The following CCR3 variants were observed in gnomAD, a reference collection of about 807,000 sequenced individuals.
CCR3 encodes C-C chemokine receptor type 3.
For synonymous variants in CCR3, 203 were observed against 179.2 expected (o/e 1.13, Z -1.06); for missense variants, 419 against 437.5 (o/e 0.96, Z 0.38).
chr3:46,243,252 T>G (rs1700128065), intron 1 of CCR3, among the ~76,000 whole-genome samples: 1 of 152,048 alleles, frequency 6.6e-6, no homozygotes, highest in South Asian at 2.1e-4. Context: ...TAGCACTTGC[T>G]GCGTGGCAAA....
At chr3:46,236,500 T>C (rs1210920947) in intron 2 of CCR3, among the ~76,000 whole-genome samples, 1 of 152,178 alleles carries the variant, frequency 6.6e-6, no homozygotes, top group Non-Finnish European at 1.5e-5. Context: ...CCATGTAACC[T>C]CTCCACCCTG....
chr3:46,222,497 A>C (rs1038346248), intron 2 of CCR3, among the ~76,000 whole-genome samples: 2 of 152,168 alleles, frequency 1.3e-5, no homozygotes, highest in African/African-American at 4.8e-5. Flanking sequence ...AGAACTCAGG[A>C]GAAAAACCTC....
At chr3:46,241,920 G>T (rs1404183811), upstream of CCR3, among the ~76,000 whole-genome samples, 1 of 152,060 alleles carries the variant, frequency 6.6e-6, no homozygotes, top group Non-Finnish European at 1.5e-5. Context: ...ATCACTTGAG[G>T]TCAGAAGTTT....
At chr3:46,212,418 G>A (rs1400480915) in intron 2 of CCR3, among the ~76,000 whole-genome samples, 2 of 152,150 alleles carry the variant, frequency 1.3e-5, no homozygotes, top group African/African-American at 4.8e-5. Flanking sequence ...GGAGATGTAA[G>A]AGGGTCTTAG....
chr3:46,255,197 T>C (rs1364317114), intron 1 of CCR3, among the ~76,000 whole-genome samples: 3 of 152,216 alleles, frequency 2.0e-5, no homozygotes, highest in African/African-American at 7.2e-5. Context: ...TATCTTCTTT[T>C]GAGAATTGTC....
intron 2 of CCR3, among the ~76,000 whole-genome samples, chr3:46,224,720 G>A (rs2131092): frequency 0.07 from 8,534 of 121,344 alleles, 417 homozygotes; most frequent in South Asian, 0.27. Flanking sequence ...CTGGGCAACA[G>A]AGCAAGACTC....
rs1700639066 is a variant in CCR3, at chr3:46,266,551, A to G, written c.*325A>G. 1 of 239,562 alleles carries G rather than the reference A, an allele frequency of 4.2e-6. No homozygotes were observed. Among genetic ancestry groups the G allele is most frequent in the Non-Finnish European group, 8.6e-6 (1 of 116,602 alleles). 14.8% of individuals were successfully genotyped at this position (239,562 alleles called of 1,614,324 possible). ...CCGCTACAAAAAGGTAAAACTTTTT[A>G]TATTTTATACATTAACTTCAGCCAG... On this transcript the variant is annotated 3_prime_UTR_variant, in exon 2 of 2. Transcript: ENST00000395940.
intron 1 of CCR3, among the ~76,000 whole-genome samples, chr3:46,244,983 A>G (rs1700163620): frequency 6.6e-6 from 1 of 152,190 alleles, no homozygotes; most frequent in Admixed American, 6.5e-5. Context: ...CCTTGTGAAA[A>G]CATATTCTTC....
chr3:46,257,590 C>A (rs1700453222), intron 1 of CCR3, among the ~76,000 whole-genome samples: 1 of 151,984 alleles, frequency 6.6e-6, no homozygotes, highest in Non-Finnish European at 1.5e-5. Context: ...GAGTCCTTAA[C>A]ATGTATTAGT....
intron 2 of CCR3, among the ~76,000 whole-genome samples, chr3:46,236,547 A>G (rs922483322): frequency 1.3e-5 from 2 of 152,224 alleles, no homozygotes; most frequent in Non-Finnish European, 2.9e-5. Context: ...TGTCACCTCT[A>G]TAATAAACAA....
At chr3:46,238,545 G>T (rs750587065), upstream of CCR3, among the ~76,000 whole-genome samples, 2 of 152,162 alleles carry the variant, frequency 1.3e-5, no homozygotes, top group Non-Finnish European at 2.9e-5. Context: ...AGGGTATGGA[G>T]TTTATATGAG....
rs371818046 is a variant in CCR3, at chr3:46,247,407, C to T, written c.-12+4869C>T. Reference sequence around the variant, plus strand: ...AAATGGGCTGTACCTTATAGCATTCCGAGGACAGGTCTGACTTCTGAGAAG... The same window carrying T: ...AAATGGGCTGTACCTTATAGCATTCTGAGGACAGGTCTGACTTCTGAGAAG... On this transcript the variant is annotated intron_variant, in intron 1 of 1. Transcript: ENST00000395940. Among the ~76,000 whole-genome samples, 421 of 152,232 alleles carry T rather than the reference C, an allele frequency of 2.8e-3. 25 individuals are homozygous for T. In the South Asian group the frequency reaches 0.084, roughly 30 times the overall value.
At chr3:46,243,502 G>T (rs940529230) in intron 1 of CCR3, among the ~76,000 whole-genome samples, 29 of 151,752 alleles carry the variant, frequency 1.9e-4, no homozygotes, top group Admixed American at 1.1e-3. Flanking sequence ...TTTTTTTCTG[G>T]GTGAATGAGA....
chr3:46,241,491 T>A (rs1217639698), upstream of CCR3, among the ~76,000 whole-genome samples: 1 of 152,240 alleles, frequency 6.6e-6, no homozygotes, highest in Non-Finnish European at 1.5e-5. Flanking sequence ...CTCTGCCCTA[T>A]GACGCTTATG....
At chr3:46,255,889 T>C (rs955169077) in intron 1 of CCR3, among the ~76,000 whole-genome samples, 1 of 152,032 alleles carries the variant, frequency 6.6e-6, no homozygotes, top group Non-Finnish European at 1.5e-5. Context: ...GTGGGCTCTT[T>C]TTTGGTTCCA....
chr3:46,259,267 C>A (rs895561322), intron 1 of CCR3, among the ~76,000 whole-genome samples: 2 of 152,018 alleles, frequency 1.3e-5, no homozygotes, highest in Non-Finnish European at 2.9e-5. Flanking sequence ...CATTTTGTAC[C>A]ATAAGGTATT....
At chr3:46,250,822 C>T (rs1455238392) in intron 1 of CCR3, among the ~76,000 whole-genome samples, 1 of 151,390 alleles carries the variant, frequency 6.6e-6, no homozygotes, top group Middle Eastern at 3.2e-3. Context: ...GGGTTCTTAC[C>T]CTCCAGAAAA....
intron 2 of CCR3, among the ~76,000 whole-genome samples, chr3:46,225,235 T>C (rs11919943): frequency 0.18 from 27,220 of 152,134 alleles, 3,991 homozygotes; most frequent in African/African-American, 0.4. Context: ...TGGGAAGAAG[T>C]GCTAGGGAAC....
intron 1 of CCR3, among the ~76,000 whole-genome samples, chr3:46,249,459 G>C (rs1700263231): frequency 6.6e-6 from 1 of 152,114 alleles, no homozygotes; most frequent in Non-Finnish European, 1.5e-5. Flanking sequence ...GGAGTGGGTA[G>C]CCTCTGTATT....
Sources: allele counts gnomAD v4.1 joint callset (sites outside exome capture counted in the v4.1 genomes callset), GRCh38; gene constraint gnomAD v4.1.1; transcripts MANE v1.5; gene names NCBI Gene and HGNC (gene_info 2026-07-23, HGNC 2026-07-21).